Variants in NACA observed in about 807,000 individuals in gnomAD.
The protein encoded by NACA is nascent polypeptide-associated complex subunit alpha.
Under a neutral mutation model 86.4 loss-of-function variants are expected in NACA, and 42 were observed. The ratio of observed to expected loss-of-function variants is 0.49; its 90% CI spans 0.38 to 0.63. The LOEUF (loss-of-function observed/expected upper bound fraction) is 0.63. Among genes scored for constraint, NACA ranks in the 20% least tolerant of loss-of-function variants. NACA has a pLI of 0.00. For synonymous variants in NACA, 898 were observed against 973.7 expected (o/e 0.92, Z 1.45); for missense variants, 2,157 against 2,483.6 (o/e 0.87, Z 2.80).
rs1275568419 is a variant in NACA at position 56,717,225 on chromosome 12, G to A, written c.4305C>T (p.Pro1435=). ...AATPSKGDLT[P]PAVTPVSLKK... The stretch of plus-strand genomic sequence containing the variant: ...TGAGGGAGACAGGAGTCACTGCTGG[G>A]GGAGTGAGATCTCCTTTGGATGGGG... Residue 1435 remains proline (P), a synonymous_variant, in exon 3 of 9, where the codon CCC becomes CCT. Coordinates refer to ENST00000454682, the MANE Select transcript of NACA (RefSeq NM_001365896.1). 5 of 1,318,254 alleles carry A rather than the reference G, an allele frequency of 3.8e-6. No individual in the cohort carries two copies. The highest frequency in any genetic ancestry group is 1.5e-5 in the South Asian group (1 of 68,064). 81.7% of individuals were successfully genotyped at this position (1,318,254 alleles called of 1,614,324 possible).
rs1953525819 is a variant in NACA, at chr12:56,719,965, A to T, written c.1565T>A (p.Val522Glu). Reference protein sequence around the residue: ...PEDLKNLPSSVLVKFPTQKDL... With the variant: ...PEDLKNLPSSELVKFPTQKDL... ...TTTTTGTGTTGGAAATTTAACCAAT[A>T]CTGAACTGGGGAGATTTTTGAGGTC... Residue 522 changes from valine to glutamate, a missense_variant, in exon 3 of 9, where the codon GTA (valine) becomes GAA (glutamate). Physicochemically the swap from Val to Glu is moderately radical, Grantham distance 121. Transcript: ENST00000454682. The T allele has an allele frequency of 2.5e-6, 4 of 1,613,698 alleles. No homozygotes were observed. The highest frequency in any genetic ancestry group is 3.4e-6 in the Non-Finnish European group (4 of 1,179,826).
At position 56,712,967 on chromosome 12, in the gene NACA, T is replaced by C. The variant is rs544951704; in HGVS notation, c.6100-59A>G. 4.5e-5 allele frequency: 72 copies of C among 1,612,836 alleles called. No homozygotes were observed. In the South Asian group the frequency reaches 6.0e-4, roughly 14 times the overall value. Reference sequence around the variant, plus strand: ...AGGCAAGAACAATTTCAGCAGTTCTTTGGAGTCTCCTGAATCTAGTTTTTA... The same window carrying C: ...AGGCAAGAACAATTTCAGCAGTTCTCTGGAGTCTCCTGAATCTAGTTTTTA... On this transcript the variant is annotated intron_variant, in intron 7 of 8. Coordinates refer to ENST00000454682, the MANE Select transcript of NACA (RefSeq NM_001365896.1).
At chr12:56,714,800 T>C (rs1953307718) in intron 3 of NACA, 113 bp from the exon 4 acceptor site, 2 of 962,946 alleles carry the variant, frequency 2.1e-6, no homozygotes, top group Non-Finnish European at 1.6e-6. Context: ...CTAAGAATGT[T>C]AAATGTAAAC....
Position 56,717,123 on chromosome 12 carries a change from T to C in NACA, c.4407A>G (p.Ala1469=). 1 of 1,261,726 alleles carries C rather than the reference T, an allele frequency of 7.9e-7. No homozygotes were observed. Among genetic ancestry groups the C allele is most frequent in the Non-Finnish European group, 1.0e-6 (1 of 984,656 alleles). The allele number at this position is 1,261,726 out of a possible 1,614,324, so 78.2% of individuals were successfully genotyped here. A position where few individuals can be genotyped will look rare whatever the true frequency, so the allele number is the denominator to read the frequency against. ...GCTCCTTGGGGGAAGGAGGAGTCAC[T>C]GCTGGGAGGGTGGGATCCCCTTTGG... is the stretch of plus-strand genomic sequence containing the variant. The part of the protein sequence containing the change: ...PSSKGDPTLP[A]VTPPSPKEPP... The change falls in exon 3 of 9, where the codon GCA becomes GCG. Residue 1469 remains alanine, a synonymous_variant. Transcript: ENST00000454682.
chr12:56,722,512 AC>A (rs1420541310), intron 2 of NACA, among the ~76,000 whole-genome samples: 1 of 152,034 alleles, frequency 6.6e-6, no homozygotes, highest in African/African-American at 2.4e-5. Flanking sequence ...ACATGGTGAA[AC>A]CCCGTCTCTA....
At position 56,717,707 on chromosome 12, in the gene NACA, T is replaced by C; in HGVS notation, c.3823A>G (p.Lys1275Glu). ...TPPAATPPSLKGGLATPPHKG... is the reference protein window; with the variant it reads ...TPPAATPPSLEGGLATPPHKG... ...TGGGGTGGGGTAGCTAGACCTCCTTTTAGGGAGGGAGGAGTTGCAGCTGGG... is the reference window on the plus strand; with the variant it reads ...TGGGGTGGGGTAGCTAGACCTCCTTCTAGGGAGGGAGGAGTTGCAGCTGGG... Residue 1275 changes from lysine to glutamate, a missense_variant, in exon 3 of 9, where the codon AAA becomes GAA. Lys to Glu is a moderately conservative substitution (Grantham distance 56, BLOSUM62 1). Coordinates refer to ENST00000454682, the MANE Select transcript of NACA (RefSeq NM_001365896.1). The C allele has an allele frequency of 8.9e-7, 1 of 1,128,140 alleles. No homozygotes were observed. The highest frequency in any genetic ancestry group is 1.1e-6 in the Non-Finnish European group (1 of 908,824). 69.9% of individuals were successfully genotyped at this position (1,128,140 alleles called of 1,614,324 possible).
rs1456594585 is a variant in NACA at position 56,716,704 on chromosome 12, G to T, written c.4826C>A (p.Ser1609Tyr). The part of the protein sequence containing the change: ...LLIPPAVTSP[S>Y]PKEAPTPPAV... ...TGGAGGAGTAGGTGCCTCTTTGGGGGAAGGAGAAGTCACAGCTGGTGGAAT... is the reference window on the plus strand; with the variant it reads ...TGGAGGAGTAGGTGCCTCTTTGGGGTAAGGAGAAGTCACAGCTGGTGGAAT... Residue 1609 changes from serine (S) to tyrosine (Y), a missense_variant, in exon 3 of 9, where the codon TCC becomes TAC. Ser to Tyr is a moderately radical substitution (Grantham distance 144, BLOSUM62 -2). Around this residue, in one of 8 missense-constraint regions of NACA, gnomAD observed 797 missense variants for 777.6 expected, o/e 1.02. Transcript: ENST00000454682. 7 of 1,412,458 alleles carry T rather than the reference G, an allele frequency of 5.0e-6. No homozygotes were observed. Among genetic ancestry groups the T allele is most frequent in the Non-Finnish European group, 5.7e-6 (6 of 1,057,962 alleles). 87.5% of individuals were successfully genotyped at this position (1,412,458 alleles called of 1,614,324 possible). A position where few individuals can be genotyped will look rare whatever the true frequency, so the allele number is the denominator to read the frequency against.
At position 56,719,069 on chromosome 12, in the gene NACA, T is replaced by C. The variant is rs779358866; in HGVS notation, c.2461A>G (p.Ile821Val). Residue 821 changes from isoleucine to valine, a missense_variant, in exon 3 of 9, where the codon ATT becomes GTT. This residue lies in a region of NACA where 174 missense variants were observed against 217.0 expected (regional missense o/e 0.80). Transcript: ENST00000454682. ...GAAACAGGGGATGAGAGATTTCCAATAGGAGTATCAGGGCCAGCAGAACCC... is the reference window on the plus strand; with the variant it reads ...GAAACAGGGGATGAGAGATTTCCAACAGGAGTATCAGGGCCAGCAGAACCC... ...KKGSAGPDTP[I>V]GNLSSPVSPV... The C allele has an allele frequency of 4.1e-6, 6 of 1,449,582 alleles. No homozygotes were observed. In the South Asian group the frequency reaches 4.5e-5, roughly 11 times the overall value. The allele number at this position is 1,449,582 out of a possible 1,614,324, so 89.8% of individuals were successfully genotyped here. A position where few individuals can be genotyped will look rare whatever the true frequency, so the allele number is the denominator to read the frequency against.
At chr12:56,724,364 A>G in intron 2 of NACA, 88 bp downstream of exon 2, 2 of 1,354,728 alleles carry the variant, frequency 1.5e-6, no homozygotes, top group East Asian at 2.5e-5. Context: ...CCATCCTCCT[A>G]AAAAGTGTAT....
intron 2 of NACA, among the ~76,000 whole-genome samples, chr12:56,722,002 A>G (rs555128855): frequency 1.3e-5 from 2 of 152,374 alleles, no homozygotes; most frequent in South Asian, 4.1e-4. Context: ...GAACTGAATA[A>G]GAAAACACAG....
Position 56,716,195 on chromosome 12 carries a change from C to CA in NACA, c.5334dup (p.Glu1779Ter). On this transcript the variant is annotated frameshift_variant, in exon 3 of 9. Transcript: ENST00000454682. LOFTEE classifies it high-confidence loss of function. ...GATTCAGGTTTAGGAAGGACCTTCT[C>CA]AAAGGCAGCTGCTGTTAGAGGGGTG... 1 of 1,613,682 alleles carries CA rather than the reference C, an allele frequency of 6.2e-7. No individual in the cohort carries two copies. Among genetic ancestry groups the CA allele is most frequent in the South Asian group, 1.1e-5 (1 of 91,060 alleles).
intron 1 of NACA, 135 bp from the exon 2 acceptor site, chr12:56,724,658 C>T (rs1017274455): frequency 1.2e-6 from 1 of 827,946 alleles, no homozygotes; most frequent in South Asian, 1.7e-5. Flanking sequence ...TGACAACCTT[C>T]CCCAAAGCAC....
rs1269090297 is a variant in NACA, at chr12:56,718,815, G to A, written c.2715C>T (p.Pro905=). The change falls in exon 3 of 9, where the codon CCC becomes CCT. Residue 905 remains proline (P), a synonymous_variant. Transcript: ENST00000454682. ...TCATGGATAGAGCAGGAGCCTGTTT[G>A]GGTGCTGGAGTAGCTGGACCCTCTT... ...FPKEGPATPA[P]KQAPALSMTS... 6.9e-7 allele frequency: 1 copy of A among 1,443,874 alleles called. No homozygotes were observed. The highest frequency in any genetic ancestry group is 9.3e-7 in the Non-Finnish European group (1 of 1,070,166). The allele number at this position is 1,443,874 out of a possible 1,614,324, so 89.4% of individuals were successfully genotyped here. A position where few individuals can be genotyped will look rare whatever the true frequency, so the allele number is the denominator to read the frequency against.
At position 56,720,914 on chromosome 12, in the gene NACA, G is replaced by A; in HGVS notation, c.616C>T (p.Pro206Ser). 5.6e-6 allele frequency: 9 copies of A among 1,613,988 alleles called. No homozygotes were observed. The highest frequency in any genetic ancestry group is 7.6e-6 in the Non-Finnish European group (9 of 1,179,870). ...VPNPKGTPSP[P>S]CIVSTVPYHC... ...TAAGGAACAGTACTGACTATACATG[G>A]AGGGCTGGGGGTGCCTTTTGGATTA... Residue 206 changes from proline (P) to serine (S), a missense_variant, in exon 3 of 9, where the codon CCA (proline) becomes TCA (serine). This residue lies in a region of NACA where 947 missense variants were observed against 917.9 expected (regional missense o/e 1.03). Transcript: ENST00000454682.
chr12:56,716,033 C>A lies in NACA; in HGVS notation c.5497G>T (p.Ala1833Ser). The A allele has an allele frequency of 6.2e-7, 1 of 1,606,542 alleles. No homozygotes were observed. Among genetic ancestry groups the A allele is most frequent in the Non-Finnish European group, 8.5e-7 (1 of 1,175,338 alleles). ...AGCAGCTCATCCTCATCAGCAGGGG[C>A]AAGGGGTTTAGAGGGTGATTCCAAC... ...LVLESPSKPL[A>S]PADEDELLPL... Residue 1833 changes from alanine to serine, a missense_variant, in exon 3 of 9, where the codon GCC (alanine) becomes TCC (serine). Physicochemically the swap from Ala to Ser is moderately conservative, Grantham distance 99. Around this residue, in one of 8 missense-constraint regions of NACA, gnomAD observed 797 missense variants for 777.6 expected, o/e 1.02. Coordinates refer to ENST00000454682, the MANE Select transcript of NACA (RefSeq NM_001365896.1).
chr12:56,714,719 AG>A, intron 3 of NACA, 32 bp from the exon 4 acceptor site: 1 of 1,596,932 alleles, frequency 6.3e-7, no homozygotes, highest in Non-Finnish European at 8.6e-7. Context: ...ACTGCTTTAT[AG>A]TAGAAATTAT....
At chr12:56,715,809 T>C in intron 3 of NACA, 62 bp downstream of exon 3, 3 of 1,403,676 alleles carry the variant, frequency 2.1e-6, no homozygotes, top group Non-Finnish European at 2.9e-6. Context: ...TATTGGTGGG[T>C]AGCGCCCAAG....
chr12:56,720,823 G>T lies in NACA; in HGVS notation c.707C>A (p.Thr236Lys), dbSNP rs1282081316. ...GVASLPQTTP[T>K]TTLAIASPQV... ...AGGGGAAGCGATGGCTAGGGTAGTT[G>T]TGGGTGTTGTCTGAGGAAGGGAGGC... The change falls in exon 3 of 9, where the codon ACA becomes AAA. Residue 236 changes from threonine to lysine, a missense_variant. Coordinates refer to ENST00000454682, the MANE Select transcript of NACA (RefSeq NM_001365896.1). 6.2e-7 allele frequency: 1 copy of T among 1,613,912 alleles called. No homozygotes were observed. Among genetic ancestry groups the T allele is most frequent in the Non-Finnish European group, 8.5e-7 (1 of 1,179,900 alleles).
intron 2 of NACA, among the ~76,000 whole-genome samples, chr12:56,722,283 G>A (rs1364953379): frequency 6.6e-6 from 1 of 152,188 alleles, no homozygotes; most frequent in Non-Finnish European, 1.5e-5. Flanking sequence ...AATCCAAGAT[G>A]AATTAGACAT....
Sources: gnomAD v4.1 joint callset for allele counts (sites outside exome capture counted in the v4.1 genomes callset) on GRCh38, gnomAD v4.1.1 for gene constraint, gnomAD v4.1.1 regional missense constraint, MANE v1.5 for transcripts, NCBI Gene and HGNC (gene_info 2026-07-23, HGNC 2026-07-21) for gene names.